Variants in GRIK1 observed in about 807,000 individuals in gnomAD.
GRIK1 encodes glutamate ionotropic receptor kainate type subunit 1.
A neutral mutation model predicts 105.7 loss-of-function variants in GRIK1; 69 were observed. That is an observed-to-expected ratio of 0.65 (90% CI 0.54 to 0.80). GRIK1 has a LOEUF of 0.80. Among genes scored for constraint, GRIK1 ranks in the 30% least tolerant of loss-of-function variants. The pLI, the probability that GRIK1 is intolerant of heterozygous loss-of-function variation, is 0.00. For missense variants in GRIK1, 1,109 were observed against 1,167.3 expected, an observed-to-expected ratio of 0.95 and a Z score of 0.73; for synonymous variants, 438 against 431.3, an observed-to-expected ratio of 1.02 and a Z score of -0.19.
At chr21:29,894,571 A>G (rs1451941441) in intron 1 of GRIK1, among the ~76,000 whole-genome samples, 1 of 151,852 alleles carries the variant, frequency 6.6e-6, no homozygotes, top group Non-Finnish European at 1.5e-5. Flanking sequence ...TAGTTCGCTG[A>G]CTCAAATGTT....
At chr21:29,924,108 G>C (rs2071275829) in intron 1 of GRIK1, among the ~76,000 whole-genome samples, 1 of 152,134 alleles carries the variant, frequency 6.6e-6, no homozygotes, top group Non-Finnish European at 1.5e-5. Context: ...GGGAGGCCGA[G>C]ATGAGTGGAT....
intron 1 of GRIK1, among the ~76,000 whole-genome samples, chr21:29,705,286 T>A (rs935915592): frequency 6.6e-6 from 1 of 152,212 alleles, no homozygotes; most frequent in African/African-American, 2.4e-5. Flanking sequence ...GCCCATGAGA[T>A]CTTATACATA....
At chr21:29,562,610 G>A (rs569505398) in intron 14 of GRIK1, among the ~76,000 whole-genome samples, 5 of 151,908 alleles carry the variant, frequency 3.3e-5, no homozygotes, top group Admixed American at 6.6e-5. Context: ...AGCCAAGATC[G>A]TGCCATTGCA....
At chr21:29,678,263 A>T (rs1479091113) in intron 3 of GRIK1, among the ~76,000 whole-genome samples, 3 of 152,170 alleles carry the variant, frequency 2.0e-5, no homozygotes, top group Non-Finnish European at 4.4e-5. Context: ...AATCAAAACT[A>T]AAAAATGAAA....
chr21:29,640,883 A>G (rs376337567), intron 7 of GRIK1, among the ~76,000 whole-genome samples: 1 of 152,198 alleles, frequency 6.6e-6, no homozygotes, highest in East Asian at 1.9e-4. Context: ...AGAGTTATGT[A>G]GCTGTCAGAA....
chr21:29,670,410 G>GTTTTT (rs2063141640), intron 4 of GRIK1, among the ~76,000 whole-genome samples: 1 of 152,178 alleles, frequency 6.6e-6, no homozygotes, highest in Non-Finnish European at 1.5e-5. Context: ...TTTTGTTTTT[G>GTTTTT]TTTTAATTGT....
chr21:29,890,140 G>C (rs1211049634), intron 1 of GRIK1, among the ~76,000 whole-genome samples: 1 of 151,966 alleles, frequency 6.6e-6, no homozygotes, highest in Non-Finnish European at 1.5e-5. Flanking sequence ...TCCCCAATTA[G>C]ACTTCAAAAT....
At chr21:29,712,083 T>TACACACACACACACACACACACAC (rs56017389) in intron 1 of GRIK1, among the ~76,000 whole-genome samples, 1 of 135,306 alleles carries the variant, frequency 7.4e-6, no homozygotes, top group Non-Finnish European at 1.6e-5. Flanking sequence ...TATACATACA[T>TACACACACACACACACACACACAC]ACACACACAC....
chr21:29,768,798 C>G (rs1490869419), intron 1 of GRIK1, among the ~76,000 whole-genome samples: 1 of 152,200 alleles, frequency 6.6e-6, no homozygotes, highest in Admixed American at 6.5e-5. Flanking sequence ...TTTCTGTCCT[C>G]AACTTACGCA....
intron 13 of GRIK1, among the ~76,000 whole-genome samples, chr21:29,580,051 A>ATG (rs1222647782): frequency 1.4e-5 from 2 of 146,172 alleles, no homozygotes; most frequent in African/African-American, 2.5e-5. Context: ...ATATGTATAT[A>ATG]TGTATATATA....
chr21:29,758,680 T>C (rs1037756769), intron 1 of GRIK1, among the ~76,000 whole-genome samples: 13 of 152,196 alleles, frequency 8.5e-5, no homozygotes, highest in African/African-American at 2.7e-4. Context: ...ATTAGACTAA[T>C]TTACTTCCAG....
intron 7 of GRIK1, among the ~76,000 whole-genome samples, chr21:29,638,864 G>A (rs2062451912): frequency 6.6e-6 from 1 of 152,076 alleles, no homozygotes; most frequent in African/African-American, 2.4e-5. Flanking sequence ...ATTTTGCTAG[G>A]CTATACATAT....
At chr21:29,921,749 T>C (rs906470757) in intron 1 of GRIK1, among the ~76,000 whole-genome samples, 1 of 152,216 alleles carries the variant, frequency 6.6e-6, no homozygotes, top group African/African-American at 2.4e-5. Flanking sequence ...CTCACTTTAA[T>C]ATTGCTATAC....
At chr21:29,766,100 T>C (rs983350067) in intron 1 of GRIK1, among the ~76,000 whole-genome samples, 8 of 152,052 alleles carry the variant, frequency 5.3e-5, no homozygotes, top group East Asian at 3.9e-4. Flanking sequence ...CCGGCCGCCT[T>C]GGCCTCCAAA....
At chr21:29,733,017 A>G (rs1042809165) in intron 1 of GRIK1, among the ~76,000 whole-genome samples, 2 of 152,234 alleles carry the variant, frequency 1.3e-5, no homozygotes, top group Non-Finnish European at 2.9e-5. Context: ...CTTAATTTAT[A>G]TAAAAATATG....
At chr21:29,736,263 A>T (rs910807413) in intron 1 of GRIK1, among the ~76,000 whole-genome samples, 36 of 152,212 alleles carry the variant, frequency 2.4e-4, no homozygotes, top group Non-Finnish European at 3.7e-4. Context: ...TTTGCTGCCT[A>T]GGCTGGAGTG....
intron 7 of GRIK1, among the ~76,000 whole-genome samples, chr21:29,634,650 A>G (rs1418577180): frequency 6.6e-6 from 1 of 152,230 alleles, no homozygotes; most frequent in East Asian, 1.9e-4. Flanking sequence ...TTAAGTGCTA[A>G]CATAAAGATA....
chr21:29,841,471 GTAGT>G (rs2067981818), intron 1 of GRIK1, among the ~76,000 whole-genome samples: 1 of 152,254 alleles, frequency 6.6e-6, no homozygotes, highest in South Asian at 2.1e-4. Flanking sequence ...AAGAAGTTAA[GTAGT>G]TATTCTTCCA....
At chr21:29,879,028 C>G (rs562164704) in intron 1 of GRIK1, among the ~76,000 whole-genome samples, 1 of 152,218 alleles carries the variant, frequency 6.6e-6, no homozygotes, top group South Asian at 2.1e-4. Context: ...TTAACTAAGA[C>G]AGCCACTCAA....
Sources: gnomAD v4.1 joint callset for allele counts (sites outside exome capture counted in the v4.1 genomes callset) on GRCh38, gnomAD v4.1.1 for gene constraint, MANE v1.5 for transcripts, NCBI Gene and HGNC (gene_info 2026-07-23, HGNC 2026-07-21) for gene names.